PIGK: variants seen among roughly 807,000 people sequenced by gnomAD.
The protein encoded by PIGK is phosphatidylinositol glycan anchor biosynthesis class K, also known as GPI-anchor transamidase.
In PIGK, 42 loss-of-function variants were observed where a neutral mutation model predicts 50.6. The ratio of observed to expected loss-of-function variants is 0.83; its 90% CI spans 0.65 to 1.07. The LOEUF (loss-of-function observed/expected upper bound fraction) is 1.07. PIGK is among the 50% of genes least tolerant of loss of function. The pLI is 0.00. For missense variants in PIGK, 448 were observed against 488.7 expected (o/e 0.92, Z 0.78); for synonymous variants, 151 against 156.0 (o/e 0.97, Z 0.24).
At chr1:77,106,288 G>A (rs1653670866) in intron 10 of PIGK, among the ~76,000 whole-genome samples, 1 of 152,092 alleles carries the variant, frequency 6.6e-6, no homozygotes, top group Non-Finnish European at 1.5e-5. Flanking sequence ...AGTGGAAAAG[G>A]AGGACTGGCA....
chr1:77,176,533 T>A (rs1344659905), intron 3 of PIGK, among the ~76,000 whole-genome samples: 1 of 152,184 alleles, frequency 6.6e-6, no homozygotes, highest in African/African-American at 2.4e-5. Flanking sequence ...TGTTTTTAAC[T>A]ATGACTATTT....
At chr1:77,156,419 C>G (rs1320093357) in intron 8 of PIGK, among the ~76,000 whole-genome samples, 1 of 152,094 alleles carries the variant, frequency 6.6e-6, no homozygotes, top group East Asian at 1.9e-4. Flanking sequence ...ACACAATGAC[C>G]CACAGGTCCC....
chr1:77,101,461 C>T (rs915256688), intron 10 of PIGK, among the ~76,000 whole-genome samples: 2 of 152,146 alleles, frequency 1.3e-5, no homozygotes, highest in African/African-American at 4.8e-5. Flanking sequence ...ACATTTTGAT[C>T]TGTTTGTGAT....
intron 10 of PIGK, among the ~76,000 whole-genome samples, chr1:77,103,832 G>A (rs1346324821): frequency 6.6e-6 from 1 of 152,070 alleles, no homozygotes; most frequent in East Asian, 1.9e-4. Flanking sequence ...TCTATTCTAT[G>A]CATGCATGAC....
intron 8 of PIGK, among the ~76,000 whole-genome samples, chr1:77,157,536 G>A (rs1365639604): frequency 3.3e-5 from 5 of 152,126 alleles, no homozygotes; most frequent in Admixed American, 2.6e-4. Context: ...ATTATAAAAT[G>A]TACAATCCAA....
chr1:77,188,970 C>A (rs936283168), intron 3 of PIGK, among the ~76,000 whole-genome samples: 1 of 152,192 alleles, frequency 6.6e-6, no homozygotes, highest in African/African-American at 2.4e-5. Context: ...GATCATGTGA[C>A]CAGCTGCAGA....
At chr1:77,204,039 AGGGAGATAACCTT>A (rs1656230367) in intron 3 of PIGK, among the ~76,000 whole-genome samples, 1 of 152,184 alleles carries the variant, frequency 6.6e-6, no homozygotes, top group African/African-American at 2.4e-5. Context: ...TCAGGGAAGA[AGGGAGATAACCTT>A]GTTATCTCCT....
At chr1:77,203,047 T>G (rs1382695688) in intron 3 of PIGK, among the ~76,000 whole-genome samples, 1 of 152,202 alleles carries the variant, frequency 6.6e-6, no homozygotes, top group East Asian at 1.9e-4. Context: ...ATATGTATAT[T>G]TTTTCATAAA....
chr1:77,093,115 A>G (rs948158976), intron 10 of PIGK, among the ~76,000 whole-genome samples: 2 of 151,842 alleles, frequency 1.3e-5, no homozygotes, highest in African/African-American at 4.8e-5. Flanking sequence ...AGACTCTCCC[A>G]CCTGATATGT....
chr1:77,139,952 C>G (rs1249881932), intron 9 of PIGK, among the ~76,000 whole-genome samples: 6 of 152,086 alleles, frequency 3.9e-5, no homozygotes, highest in Non-Finnish European at 7.4e-5. Flanking sequence ...TCTAATATTA[C>G]AGGGTGTTCT....
chr1:77,175,311 TAAGA>T (rs1356340709), intron 3 of PIGK, among the ~76,000 whole-genome samples: 1 of 152,150 alleles, frequency 6.6e-6, no homozygotes, highest in Non-Finnish European at 1.5e-5. Flanking sequence ...AGATTTTATA[TAAGA>T]AAGGATCCTG....
At chr1:77,201,089 G>A (rs1424717416) in intron 3 of PIGK, among the ~76,000 whole-genome samples, 1 of 152,078 alleles carries the variant, frequency 6.6e-6, no homozygotes, top group East Asian at 1.9e-4. Flanking sequence ...GTCCTCTTAC[G>A]TATAAGGCCA....
chr1:77,152,658 AAAAACAAAAC>A (rs912519071), intron 9 of PIGK, among the ~76,000 whole-genome samples: 12 of 151,920 alleles, frequency 7.9e-5, no homozygotes, highest in Non-Finnish European at 1.3e-4. Flanking sequence ...CTCAATGGCA[AAAAACAAAAC>A]AAAACAAAAC....
At chr1:77,202,968 C>T (rs577728444) in intron 3 of PIGK, among the ~76,000 whole-genome samples, 3 of 152,316 alleles carry the variant, frequency 2.0e-5, no homozygotes, top group Admixed American at 2.0e-4. Context: ...TATGATTCTA[C>T]ATTCCCTCAG....
chr1:77,125,717 T>C (rs1038833036), intron 9 of PIGK, among the ~76,000 whole-genome samples: 3 of 152,136 alleles, frequency 2.0e-5, no homozygotes, highest in African/African-American at 4.8e-5. Flanking sequence ...TTCCCAGGTA[T>C]ACAGGAAACA....
chr1:77,216,680 G>C (rs1291167162), intron 1 of PIGK, among the ~76,000 whole-genome samples: 1 of 151,800 alleles, frequency 6.6e-6, no homozygotes, highest in Admixed American at 6.6e-5. Flanking sequence ...CTCAACAGCT[G>C]CCTGGATGTT....
chr1:77,199,505 A>G (rs1474249158), intron 3 of PIGK, among the ~76,000 whole-genome samples: 1 of 152,042 alleles, frequency 6.6e-6, no homozygotes, highest in Non-Finnish European at 1.5e-5. Flanking sequence ...TTATTGCAGG[A>G]TGGAAAAATC....
chr1:77,210,884 A>C (rs1448557207), intron 1 of PIGK, among the ~76,000 whole-genome samples: 3 of 152,080 alleles, frequency 2.0e-5, no homozygotes, highest in Non-Finnish European at 2.9e-5. Flanking sequence ...CTTCTGCTTT[A>C]AAATATTATT....
At chr1:77,120,979 G>T (rs1654082940) in intron 10 of PIGK, among the ~76,000 whole-genome samples, 1 of 152,088 alleles carries the variant, frequency 6.6e-6, no homozygotes, top group Non-Finnish European at 1.5e-5. Context: ...GTAGTTTATT[G>T]GTTCATCCAT....
Sources: allele counts gnomAD v4.1 joint callset (sites outside exome capture counted in the v4.1 genomes callset), GRCh38; gene constraint gnomAD v4.1.1; transcripts MANE v1.5; gene names NCBI Gene and HGNC (gene_info 2026-07-23, HGNC 2026-07-21).